The following UGT1A7 variants were observed in gnomAD, a reference collection of about 807,000 sequenced individuals.
The protein encoded by UGT1A7 is UDP-glucuronosyltransferase 1A7.
Under a neutral mutation model 45.6 loss-of-function variants are expected in UGT1A7, and 33 were observed. The observed-to-expected ratio is 0.72, with a 90% CI of 0.55 to 0.97. The LOEUF (loss-of-function observed/expected upper bound fraction) is 0.97. Ranked by LOEUF, UGT1A7 falls within the 50% of genes least tolerant of loss-of-function variation. UGT1A7 has a pLI of 0.00. For missense variants in UGT1A7, 684 were observed against 666.2 expected (o/e 1.03, Z -0.29); for synonymous variants, 274 against 250.6 (o/e 1.09, Z -0.88).
intron 1 of UGT1A7, chr2:233,729,465 T>A (rs757398194): frequency 5.6e-6 from 9 of 1,614,038 alleles, no homozygotes; most frequent in African/African-American, 2.7e-5. Flanking sequence ...TTTTCAGAAG[T>A]ATGGCAATGT....
intron 1 of UGT1A7, chr2:233,691,142 C>T (rs900476148): frequency 4.1e-6 from 4 of 985,690 alleles, no homozygotes; most frequent in African/African-American, 1.7e-5. Context: ...TCTAGATGAA[C>T]TGTTCTTTGA....
At chr2:233,684,065 A>G (rs899835488) in intron 1 of UGT1A7, among the ~76,000 whole-genome samples, 9 of 152,174 alleles carry the variant, frequency 5.9e-5, no homozygotes, top group African/African-American at 2.2e-4. Context: ...GTCTGATCTA[A>G]GTATATTATT....
intron 1 of UGT1A7, among the ~76,000 whole-genome samples, chr2:233,719,880 G>A (rs28898611): frequency 2.0e-5 from 3 of 152,144 alleles, no homozygotes; most frequent in Non-Finnish European, 4.4e-5. Flanking sequence ...GAAGAGGCAC[G>A]GATGAGGGTC....
intron 4 of UGT1A7, 91 bp downstream of exon 4, chr2:233,768,530 CGTT>C (rs2126039098): frequency 2.0e-6 from 3 of 1,496,416 alleles, no homozygotes; most frequent in African/African-American, 1.4e-5. Flanking sequence ...CATTTAATAG[CGTT>C]GTTTCAAATA....
intron 1 of UGT1A7, chr2:233,755,137 T>A: frequency 7.6e-7 from 1 of 1,310,376 alleles, no homozygotes; most frequent in Non-Finnish European, 1.0e-6. Context: ...TGCTTGAATC[T>A]TCTCACCGCT....
intron 1 of UGT1A7, chr2:233,692,898 A>G: frequency 6.5e-7 from 1 of 1,540,188 alleles, no homozygotes; most frequent in Non-Finnish European, 8.7e-7. Context: ...GGAGAGGTAG[A>G]CAGGACCTGT....
chr2:233,713,100 G>A (rs528791114), intron 1 of UGT1A7: 8 of 1,614,218 alleles, frequency 5.0e-6, no homozygotes, highest in Non-Finnish European at 5.9e-6. Flanking sequence ...GGTGCCCACT[G>A]ATGGCAGCCA....
Position 233,748,142 on chromosome 2 carries a change from T to C in UGT1A7, c.856-18892T>C, listed in dbSNP as rs189249427. 1.9e-6 allele frequency: 3 copies of C among 1,607,776 alleles called. No homozygotes were observed. In the East Asian group the frequency reaches 6.7e-5, roughly 36 times the overall value. On this transcript the variant is annotated intron_variant, in intron 1 of 4. Coordinates refer to ENST00000373426, the MANE Select transcript of UGT1A7 (RefSeq NM_019077.3). ...CAAAACAGTTTTTAAAAATTGTATT[T>C]ACTTACAATTGCTTCCATATCTACT...
At chr2:233,747,833 C>T (rs1236031323) in intron 1 of UGT1A7, 1 of 1,613,530 alleles carries the variant, frequency 6.2e-7, no homozygotes, top group Non-Finnish European at 8.5e-7. Context: ...ACATGACATT[C>T]CTGCAAAGGG....
intron 1 of UGT1A7, chr2:233,689,886 AT>A (rs2074964771): frequency 2.2e-6 from 1 of 456,640 alleles, no homozygotes; most frequent in African/African-American, 2.0e-5. Context: ...CAAGTGCCTT[AT>A]TTATTTCTCA....
chr2:233,693,106 G>A, intron 1 of UGT1A7: 1 of 1,614,158 alleles, frequency 6.2e-7, no homozygotes, highest in Non-Finnish European at 8.5e-7. Context: ...TGGTCCCTCA[G>A]GACGGAAGCC....
intron 1 of UGT1A7, among the ~76,000 whole-genome samples, chr2:233,765,265 C>G (rs1223500650): frequency 6.6e-6 from 1 of 152,098 alleles, no homozygotes; most frequent in Non-Finnish European, 1.5e-5. Context: ...GGTATATACC[C>G]AAAGAAATAT....
At chr2:233,751,255 T>G (rs977070137) in intron 1 of UGT1A7, among the ~76,000 whole-genome samples, 1 of 151,972 alleles carries the variant, frequency 6.6e-6, no homozygotes, top group Non-Finnish European at 1.5e-5. Context: ...GCATGGGGCC[T>G]GTAGCCCCCT....
intron 1 of UGT1A7, chr2:233,754,778 A>G (rs1399549713): frequency 3.5e-6 from 4 of 1,127,052 alleles, no homozygotes; most frequent in Non-Finnish European, 3.6e-6. Flanking sequence ...CCAGGGAGCC[A>G]AAGGAACGAA....
intron 1 of UGT1A7, among the ~76,000 whole-genome samples, chr2:233,735,342 T>C (rs542444977): frequency 6.6e-6 from 1 of 152,338 alleles, no homozygotes; most frequent in South Asian, 2.1e-4. Context: ...CCCTGCTTTT[T>C]TTTTGCTTTC....
At chr2:233,751,971 G>A (rs1694860296) in intron 1 of UGT1A7, among the ~76,000 whole-genome samples, 1 of 152,158 alleles carries the variant, frequency 6.6e-6, no homozygotes, top group Non-Finnish European at 1.5e-5. Context: ...TCTGAGAAAA[G>A]GAAATGAATC....
At chr2:233,759,343 G>A (rs548174363) in intron 1 of UGT1A7, among the ~76,000 whole-genome samples, 89 of 152,214 alleles carry the variant, frequency 5.8e-4, no homozygotes, top group Non-Finnish European at 1.2e-3. Context: ...TCAGGTGAGC[G>A]CTGAAAATCT....
intron 1 of UGT1A7, among the ~76,000 whole-genome samples, chr2:233,766,276 CCCGGGCTCG>C (rs1699094963): frequency 2.0e-5 from 3 of 151,848 alleles, no homozygotes; most frequent in Non-Finnish European, 1.5e-5. Flanking sequence ...GGCTCGGTGG[CCCGGGCTCG>C]GTGGCCTGGG....
intron 1 of UGT1A7, chr2:233,753,565 G>GGACC (rs1470283120): frequency 1.3e-5 from 2 of 152,156 alleles, no homozygotes; most frequent in African/African-American, 4.8e-5. Flanking sequence ...CTAGAAGATG[G>GGACC]GACCCTTTGT....
Sources: gnomAD v4.1 joint callset for allele counts (sites outside exome capture counted in the v4.1 genomes callset) on GRCh38, gnomAD v4.1.1 for gene constraint, MANE v1.5 for transcripts, NCBI Gene and HGNC (gene_info 2026-07-23, HGNC 2026-07-21) for gene names.